ANKS1A: variants seen among roughly 807,000 people sequenced by gnomAD.
The protein encoded by ANKS1A is ankyrin repeat and sterile alpha motif domain containing 1A, also known as ankyrin repeat and SAM domain-containing protein 1A.
ANKS1A carries 55 observed loss-of-function variants against 120.3 expected under a neutral mutation model. The ratio of observed to expected loss-of-function variants is 0.46; its 90% confidence interval spans 0.37 to 0.57. The LOEUF (loss-of-function observed/expected upper bound fraction) is 0.57. Ranked by LOEUF, ANKS1A falls within the 20% of genes least tolerant of loss-of-function variation. ANKS1A has a pLI of 0.00. For missense variants in ANKS1A, 1,123 were observed against 1,480.3 expected, an observed-to-expected ratio of 0.76 and a Z score of 3.96; for synonymous variants, 590 against 604.7, an observed-to-expected ratio of 0.98 and a Z score of 0.36.
intron 11 of ANKS1A, among the ~76,000 whole-genome samples, chr6:35,021,733 C>T (rs1296687930): frequency 1.3e-5 from 2 of 152,234 alleles, no homozygotes; most frequent in Non-Finnish European, 2.9e-5. Context: ...CACCTGTAAT[C>T]CCAGCACTTT....
intron 1 of ANKS1A, among the ~76,000 whole-genome samples, chr6:34,946,602 G>GAAA (rs1581732072): frequency 1.0e-4 from 15 of 147,506 alleles, no homozygotes; most frequent in East Asian, 4.0e-4. Flanking sequence ...AAAAAAAAAG[G>GAAA]GGGGGTTAAT....
chr6:34,981,801 G>A lies in ANKS1A; in HGVS notation c.547G>A (p.Glu183Lys), dbSNP rs745541602. ...CCCCACCATGCGCAACAACAAATTCGAGACCCCTTTGGACCTGGCAGCACT... is the reference window on the plus strand; with the variant it reads ...CCCCACCATGCGCAACAACAAATTCAAGACCCCTTTGGACCTGGCAGCACT... ...TDPTMRNNKF[E>K]TPLDLAALYG... The change falls in exon 4 of 24, where the codon GAG becomes AAG. Residue 183 changes from glutamate to lysine, a missense_variant. Glu to Lys is a moderately conservative substitution (Grantham distance 56). This residue lies in a region of ANKS1A where 146 missense variants were observed against 267.8 expected (regional missense o/e 0.55). Coordinates refer to ENST00000360359, the MANE Select transcript of ANKS1A (RefSeq NM_015245.3). The A allele has an allele frequency of 9.3e-6, 15 of 1,613,998 alleles. No homozygotes were observed. In the South Asian group the frequency reaches 1.3e-4, roughly 14 times the overall value.
In ANKS1A at chr6:35,082,819, G is replaced by A; in HGVS notation, c.2835+3G>A. ...AGTCCTGTGGTTATGAAGCCAATGT[G>A]AGTTGCTCCCACCCTCCCAGCAGGG... is the stretch of plus-strand genomic sequence containing the variant. On this transcript the variant is annotated splice_donor_region_variant and intron_variant, in intron 18 of 23. Coordinates refer to ENST00000360359, the MANE Select transcript of ANKS1A (RefSeq NM_015245.3). The surrounding 1 kb of genome is among the most constrained non-coding windows in gnomAD (Gnocchi z 4.1). 1 of 1,611,304 alleles carries A rather than the reference G, an allele frequency of 6.2e-7. No homozygotes were observed.
chr6:34,929,028 T>C (rs1156461528), intron 1 of ANKS1A, among the ~76,000 whole-genome samples: 2 of 152,224 alleles, frequency 1.3e-5, no homozygotes, highest in African/African-American at 2.4e-5. Context: ...ATCTGTTTAC[T>C]AAAGATATTA....
At chr6:34,987,208 T>C (rs1278007299) in intron 8 of ANKS1A, among the ~76,000 whole-genome samples, 1 of 152,194 alleles carries the variant, frequency 6.6e-6, no homozygotes, top group African/African-American at 2.4e-5. Flanking sequence ...ATGGATGGTA[T>C]GTGTAAATCA....
chr6:34,964,634 T>G (rs1040829723), intron 1 of ANKS1A, among the ~76,000 whole-genome samples: 1 of 152,228 alleles, frequency 6.6e-6, no homozygotes, highest in Non-Finnish European at 1.5e-5. Flanking sequence ...AATATTTTAC[T>G]GCTTGCCTAT....
intron 1 of ANKS1A, among the ~76,000 whole-genome samples, chr6:34,938,388 G>A (rs1769361794): frequency 6.6e-6 from 1 of 152,184 alleles, no homozygotes; most frequent in African/African-American, 2.4e-5. Context: ...CTGTAGAAAA[G>A]GCTGTGTCAT....
chr6:35,052,962 A>C (rs1036510608), intron 11 of ANKS1A, among the ~76,000 whole-genome samples: 2 of 152,186 alleles, frequency 1.3e-5, no homozygotes, highest in Non-Finnish European at 2.9e-5. Flanking sequence ...CTGAGCCAGC[A>C]GTCGATTCTG....
At chr6:35,032,734 T>G (rs1774970752) in intron 11 of ANKS1A, among the ~76,000 whole-genome samples, 1 of 152,224 alleles carries the variant, frequency 6.6e-6, no homozygotes, top group Non-Finnish European at 1.5e-5. Flanking sequence ...TTTGGAATTT[T>G]CTTTTCTTTT....
intron 1 of ANKS1A, among the ~76,000 whole-genome samples, chr6:34,908,242 C>A (rs1767734296): frequency 6.6e-6 from 1 of 152,130 alleles, no homozygotes; most frequent in Admixed American, 6.5e-5. Flanking sequence ...AAGTGGGGCC[C>A]TACCTTTCAA....
intron 1 of ANKS1A, among the ~76,000 whole-genome samples, chr6:34,911,582 T>C (rs938774206): frequency 2.0e-5 from 3 of 152,166 alleles, no homozygotes; most frequent in Non-Finnish European, 2.9e-5. Flanking sequence ...GTGCATAGGA[T>C]TGAAAACTTC....
chr6:35,011,918 C>A (rs1158756607), intron 10 of ANKS1A, among the ~76,000 whole-genome samples: 1 of 152,154 alleles, frequency 6.6e-6, no homozygotes, highest in African/African-American at 2.4e-5. Context: ...TGTGACAGAT[C>A]TTCAGGGTAG....
At chr6:34,909,150 TTC>T (rs1767785836) in intron 1 of ANKS1A, among the ~76,000 whole-genome samples, 1 of 152,144 alleles carries the variant, frequency 6.6e-6, no homozygotes, top group Admixed American at 6.5e-5. Flanking sequence ...GGGGACATGT[TTC>T]TTTTTCTCCA....
At chr6:35,078,394 G>A (rs1051779011) in intron 13 of ANKS1A, among the ~76,000 whole-genome samples, 164 bp from the exon 14 acceptor site, 5 of 152,108 alleles carry the variant, frequency 3.3e-5, no homozygotes, top group South Asian at 2.1e-4. Flanking sequence ...CCTGGGAGCC[G>A]CCCGGATGGA....
chr6:34,961,834 G>A (rs894266868), intron 1 of ANKS1A, among the ~76,000 whole-genome samples: 2 of 152,148 alleles, frequency 1.3e-5, no homozygotes, highest in East Asian at 1.9e-4. Flanking sequence ...TAGTCATCGC[G>A]TTGCTGCTGA....
rs1777931043 is a variant in ANKS1A, at chr6:35,085,736, G to A, written c.3133-30G>A. On this transcript the variant is annotated intron_variant, in intron 21 of 23. Coordinates refer to ENST00000360359, the MANE Select transcript of ANKS1A (RefSeq NM_015245.3). This position sits in a 1 kb window ranked among gnomAD's most constrained non-coding sequence, Gnocchi z 4.7. ...CAGTGTGAAGCGGCTCCTGAACCAG[G>A]TGCTTAAGTGGTGATCTGCTTCCTC... 2 of 1,550,558 alleles carry A rather than the reference G, an allele frequency of 1.3e-6. No homozygotes were observed. The highest frequency in any genetic ancestry group is 2.5e-5 in the South Asian group (2 of 81,018).
intron 1 of ANKS1A, among the ~76,000 whole-genome samples, chr6:34,929,292 T>G (rs1176177597): frequency 1.3e-5 from 2 of 152,188 alleles, no homozygotes; most frequent in Non-Finnish European, 2.9e-5. Context: ...TACTTTTGAC[T>G]CTTATAAGCA....
chr6:34,954,319 T>C (rs1770237427), intron 1 of ANKS1A, among the ~76,000 whole-genome samples: 1 of 152,180 alleles, frequency 6.6e-6, no homozygotes, highest in African/African-American at 2.4e-5. Context: ...TTTCAAACAA[T>C]TCGTCATTGC....
intron 13 of ANKS1A, among the ~76,000 whole-genome samples, chr6:35,061,130 G>A (rs775933472): frequency 6.6e-6 from 1 of 152,202 alleles, no homozygotes; most frequent in Non-Finnish European, 1.5e-5. Context: ...CCTGGGATGT[G>A]GACTCGTATT....
Sources: gnomAD v4.1 joint callset for allele counts (sites outside exome capture counted in the v4.1 genomes callset) on GRCh38, gnomAD v4.1.1 for gene constraint, gnomAD v4.1.1 regional missense constraint, Gnocchi (gnomAD v3.1) non-coding constraint, MANE v1.5 for transcripts, NCBI Gene and HGNC (gene_info 2026-07-23, HGNC 2026-07-21) for gene names.